TRIM27: variants seen among roughly 807,000 people sequenced by gnomAD.
The protein encoded by TRIM27 is zinc finger protein RFP.
Under a neutral mutation model 57.6 loss-of-function variants are expected in TRIM27, and 12 were observed. The observed-to-expected ratio is 0.21, with a 90% CI of 0.13 to 0.34. The LOEUF (loss-of-function observed/expected upper bound fraction) is 0.34, where lower values mean the gene tolerates loss of function less well. Among genes scored for constraint, TRIM27 ranks in the 10% least tolerant of loss-of-function variants. TRIM27 has a pLI of 1.00. For missense variants in TRIM27, 403 were observed against 656.8 expected (o/e 0.61, Z 4.22); for synonymous variants, 266 against 259.0 (o/e 1.03, Z -0.26).
chr6:28,910,902 C>T (rs950805355), intron 4 of TRIM27, among the ~76,000 whole-genome samples: 2 of 152,178 alleles, frequency 1.3e-5, no homozygotes, highest in African/African-American at 4.8e-5. Context: ...TCTATCAACA[C>T]AGGCCTCCCA....
chr6:28,912,837 T>C (rs1169500273), intron 3 of TRIM27, among the ~76,000 whole-genome samples: 1 of 152,218 alleles, frequency 6.6e-6, no homozygotes, highest in Non-Finnish European at 1.5e-5. Context: ...TGGGGGTGCA[T>C]GCGATAATTT....
intron 6 of TRIM27, 77 bp from the exon 7 acceptor site, chr6:28,907,339 GTC>G: frequency 6.9e-7 from 1 of 1,456,900 alleles, no homozygotes; most frequent in Non-Finnish European, 9.5e-7. Flanking sequence ...GCTTTGGTTA[GTC>G]ATCATAAAGC....
intron 6 of TRIM27, chr6:28,908,479 G>T: frequency 3.2e-6 from 1 of 315,572 alleles, no homozygotes. Flanking sequence ...GATAAACACT[G>T]GCTCAAGTGA....
chr6:28,909,508 A>G (rs1773023641), intron 4 of TRIM27, among the ~76,000 whole-genome samples: 1 of 152,202 alleles, frequency 6.6e-6, no homozygotes, highest in Non-Finnish European at 1.5e-5. Context: ...ATCAGCCACT[A>G]CAGCTTTTCC....
At position 28,904,018 on chromosome 6, in the gene TRIM27, G is replaced by C; in HGVS notation, c.*52C>G. The C allele has an allele frequency of 6.8e-7, 1 of 1,480,140 alleles. No individual in the cohort carries two copies. The highest frequency in any genetic ancestry group is 9.3e-7 in the Non-Finnish European group (1 of 1,075,546). The allele number at this position is 1,480,140 out of a possible 1,614,324, so 91.7% of individuals were successfully genotyped here. On this transcript the variant is annotated 3_prime_UTR_variant, in exon 8 of 8. Coordinates refer to ENST00000377199, the MANE Select transcript of TRIM27 (RefSeq NM_006510.5). This position sits in a 1 kb window ranked among gnomAD's most constrained non-coding sequence, Gnocchi z 6.1. ...ACGTGGCAAGGCAACAAGATGCCTT[G>C]TGCCTGGCGTAGGATTACAGCCAAC... is the stretch of plus-strand genomic sequence containing the variant.
chr6:28,915,182 T>C (rs1315052662), intron 3 of TRIM27: 1 of 151,846 alleles, frequency 6.6e-6, no homozygotes, highest in Non-Finnish European at 1.5e-5. Context: ...AAACACTTTT[T>C]GATATTCATG....
chr6:28,904,643 G>C lies in TRIM27; in HGVS notation c.969C>G (p.Asp323Glu). ...AGAGGATCAGGCTGGGGTAGGCCGT[G>C]TCTGGGTCCAGAGTCACGTCCACTG... ...LYSVDVTLDPDTAYPSLILSD... is the reference protein window; with the variant it reads ...LYSVDVTLDPETAYPSLILSD... Residue 323 changes from aspartate to glutamate, a missense_variant, in exon 8 of 8, where the codon GAC becomes GAG. Coordinates refer to ENST00000377199, the MANE Select transcript of TRIM27 (RefSeq NM_006510.5). This position sits in a 1 kb window ranked among gnomAD's most constrained non-coding sequence, Gnocchi z 6.1. 1 of 1,598,836 alleles carries C rather than the reference G, an allele frequency of 6.3e-7. No homozygotes were observed.
At position 28,908,819 on chromosome 6, in the gene TRIM27, T is replaced by G; in HGVS notation, c.908A>C (p.Glu303Ala). The G allele has an allele frequency of 6.2e-7, 1 of 1,613,882 alleles. No individual in the cohort carries two copies. Among genetic ancestry groups the G allele is most frequent in the Non-Finnish European group, 8.5e-7 (1 of 1,179,844 alleles). The change falls in exon 6 of 8, where the codon GAG becomes GCG. Residue 303 changes from glutamate to alanine, a missense_variant. Transcript: ENST00000377199. ...GTAGATAAATTTACCTTGGATTTTC[T>G]CCATATCTGACTGCATTTTTTCTAA... ...QFTEKMQSDM[E>A]KIQELREAQL...
chr6:28,912,043 CTTTTT>C (rs1423018180), intron 3 of TRIM27, among the ~76,000 whole-genome samples: 2 of 149,320 alleles, frequency 1.3e-5, no homozygotes, highest in East Asian at 3.9e-4. Context: ...AGCTTGCTTT[CTTTTT>C]ATTATGAAAT....
chr6:28,913,588 C>T (rs1476003620), intron 3 of TRIM27, among the ~76,000 whole-genome samples: 2 of 151,898 alleles, frequency 1.3e-5, no homozygotes, highest in African/African-American at 4.8e-5. Flanking sequence ...AGTGTCTCTC[C>T]GACACTTCGT....
At position 28,904,406 on chromosome 6, in the gene TRIM27, G is replaced by T; in HGVS notation, c.1206C>A (p.Pro402=). 1 of 1,613,042 alleles carries T rather than the reference G, an allele frequency of 6.2e-7. No individual in the cohort carries two copies. The highest frequency in any genetic ancestry group is 1.6e-4 in the Middle Eastern group (1 of 6,062). ...AAGACACTGCCCAGAATCCATTCTG[G>T]GGGGCTGAGGTTACTCCACCTTTTC... ...VCRKGGVTSA[P]QNGFWAVSLW... The change falls in exon 8 of 8, where the codon CCC becomes CCA. Residue 402 remains proline, a synonymous_variant. Coordinates refer to ENST00000377199, the MANE Select transcript of TRIM27 (RefSeq NM_006510.5). This position sits in a 1 kb window ranked among gnomAD's most constrained non-coding sequence, Gnocchi z 6.1.
chr6:28,904,583 G>A lies in TRIM27; in HGVS notation c.1029C>T (p.Leu343=). ...DNLRQVRYSY[L]QQDLPDNPER... is the part of the protein sequence containing the mutation. Reference sequence around the variant, plus strand: ...CGGGGTTGTCAGGCAGGTCCTGTTGGAGGTAACTGTACCGCACTTGCCGCA... The same window carrying A: ...CGGGGTTGTCAGGCAGGTCCTGTTGAAGGTAACTGTACCGCACTTGCCGCA... The change falls in exon 8 of 8, where the codon CTC becomes CTT. Residue 343 remains leucine (L), a synonymous_variant. Transcript: ENST00000377199. The surrounding 1 kb of genome is among the most constrained non-coding windows in gnomAD (Gnocchi z 6.1). The A allele has an allele frequency of 6.2e-7, 1 of 1,608,750 alleles. No individual in the cohort carries two copies.
In TRIM27 at chr6:28,903,997, G is replaced by A. The variant is rs1158032912; in HGVS notation, c.*73C>T. The stretch of plus-strand genomic sequence containing the variant: ...AGGATACCCAGCTGTGACAGGACGT[G>A]GCAAGGCAACAAGATGCCTTGTGCC... On this transcript the variant is annotated 3_prime_UTR_variant, in exon 8 of 8. Coordinates refer to ENST00000377199, the MANE Select transcript of TRIM27 (RefSeq NM_006510.5). 1 of 1,258,224 alleles carries A rather than the reference G, an allele frequency of 7.9e-7. No individual in the cohort carries two copies. Among genetic ancestry groups the A allele is most frequent in the Non-Finnish European group, 1.1e-6 (1 of 882,056 alleles). 77.9% of individuals were successfully genotyped at this position (1,258,224 alleles called of 1,614,324 possible).
At chr6:28,915,330 C>A in intron 3 of TRIM27, 1 of 147,200 alleles carries the variant, frequency 6.8e-6, no homozygotes, top group Admixed American at 6.8e-5. Context: ...AGCTTTAGAC[C>A]AGGCGCAGTA....
At position 28,904,087 on chromosome 6, in the gene TRIM27, T is replaced by C. The variant is rs1010599059; in HGVS notation, c.1525A>G (p.Met509Val). The C allele has an allele frequency of 3.7e-6, 6 of 1,612,742 alleles. No homozygotes were observed. Among genetic ancestry groups the C allele is most frequent in the Non-Finnish European group, 5.1e-6 (6 of 1,179,930 alleles). ...SGHVGNHGHSMETSP is the reference protein window; with the variant it reads ...SGHVGNHGHSVETSP Reference sequence around the variant, plus strand: ...TCACCTCCTCAAGGGGAGGTCTCCATGGAATGACCATGATTCCCAACATGG... The same window carrying C: ...TCACCTCCTCAAGGGGAGGTCTCCACGGAATGACCATGATTCCCAACATGG... The change falls in exon 8 of 8, where the codon ATG becomes GTG. Residue 509 changes from methionine (M) to valine (V), a missense_variant. Met to Val is a conservative substitution (Grantham distance 21). Coordinates refer to ENST00000377199, the MANE Select transcript of TRIM27 (RefSeq NM_006510.5). The surrounding 1 kb of genome is among the most constrained non-coding windows in gnomAD (Gnocchi z 6.1).
intron 3 of TRIM27, among the ~76,000 whole-genome samples, chr6:28,918,538 GAAAA>G (rs964720953): frequency 1.3e-5 from 2 of 151,882 alleles, no homozygotes; most frequent in African/African-American, 4.8e-5. Flanking sequence ...AATAAAAAAA[GAAAA>G]AAAGAAAGAA....
chr6:28,923,886 T>C lies in TRIM27; in HGVS notation c.-254A>G. 1 of 496,642 alleles carries C rather than the reference T, an allele frequency of 2.0e-6. No individual in the cohort carries two copies. The highest frequency in any genetic ancestry group is 3.5e-6 in the Non-Finnish European group (1 of 283,712). The allele number at this position is 496,642 out of a possible 1,614,324, so 30.8% of individuals were successfully genotyped here. On this transcript the variant is annotated 5_prime_UTR_variant, in exon 1 of 8. Coordinates refer to ENST00000377199, the MANE Select transcript of TRIM27 (RefSeq NM_006510.5). ...TCACCGAGGCTCGCGGCCACGCTAG[T>C]GGGGCAGGAAAGGGTAGCCGAGGGT...
chr6:28,908,553 GATTA>G lies in TRIM27; in HGVS notation c.919+251_919+254del, dbSNP rs201739838. On this transcript the variant is annotated intron_variant, in intron 6 of 7. Coordinates refer to ENST00000377199, the MANE Select transcript of TRIM27 (RefSeq NM_006510.5). ...TAAACAATCAAATTAATTCTGGATT[GATTA>G]ATTTTTGGATTGCTTATTTTTCTCC... 3.3e-3 allele frequency: 1,180 copies of G among 357,640 alleles called. 9 individuals carry two copies. In the African/African-American group the frequency reaches 0.061, roughly 19 times the overall value. 22.2% of individuals were successfully genotyped at this position (357,640 alleles called of 1,614,324 possible).
In TRIM27 at chr6:28,904,992, A is replaced by C; in HGVS notation, c.947-327T>G. 3.3e-6 allele frequency: 1 copy of C among 305,618 alleles called. No homozygotes were observed. The highest frequency in any genetic ancestry group is 6.1e-6 in the Non-Finnish European group (1 of 164,458). The allele number at this position is 305,618 out of a possible 1,614,324, so 18.9% of individuals were successfully genotyped here. A position where few individuals can be genotyped will look rare whatever the true frequency, so the allele number is the denominator to read the frequency against. The stretch of plus-strand genomic sequence containing the variant: ...CAGTGGTGTGGTCATAGTTCATTGT[A>C]ACCCCAAACTCCTGGGCTCAGGTGA... On this transcript the variant is annotated intron_variant, in intron 7 of 7. Coordinates refer to ENST00000377199, the MANE Select transcript of TRIM27 (RefSeq NM_006510.5). This position sits in a 1 kb window ranked among gnomAD's most constrained non-coding sequence, Gnocchi z 6.1.
Sources: gnomAD v4.1 joint callset for allele counts (sites outside exome capture counted in the v4.1 genomes callset) on GRCh38, gnomAD v4.1.1 for gene constraint, Gnocchi (gnomAD v3.1) non-coding constraint, MANE v1.5 for transcripts, NCBI Gene and HGNC (gene_info 2026-07-23, HGNC 2026-07-21) for gene names.